LYRM4: variants seen among roughly 807,000 people sequenced by gnomAD.
LYRM4 encodes LYR motif-containing protein 4.
In LYRM4, 9 loss-of-function variants were observed where a neutral mutation model predicts 11.7. That is an observed-to-expected ratio of 0.77 (90% CI 0.46 to 1.34). The LOEUF (loss-of-function observed/expected upper bound fraction) is 1.34, where lower values mean the gene tolerates loss of function less well. Ranked by LOEUF, LYRM4 falls within the 40% of genes most tolerant of loss-of-function variation. The pLI is 0.00. For missense variants in LYRM4, 133 were observed against 112.5 expected, an observed-to-expected ratio of 1.18 and a Z score of -0.82; for synonymous variants, 42 against 40.4, an observed-to-expected ratio of 1.04 and a Z score of -0.15.
chr6:5,193,777 G>A (rs923740537), intron 2 of LYRM4, among the ~76,000 whole-genome samples: 8 of 152,278 alleles, frequency 5.3e-5, no homozygotes, highest in Admixed American at 5.2e-4. Flanking sequence ...CCCTTGGAAA[G>A]CATGACGCAG....
At chr6:5,045,340 T>C in the LYRM4 span, among the ~76,000 whole-genome samples, 1 of 152,220 alleles carries the variant, frequency 6.6e-6, no homozygotes, top group Non-Finnish European at 1.5e-5. Flanking sequence ...GAGGACACTA[T>C]GCTAAGTGAA....
intron 1 of LYRM4, among the ~76,000 whole-genome samples, chr6:5,254,899 G>A (rs980308841): frequency 1.3e-5 from 2 of 152,130 alleles, no homozygotes; most frequent in African/African-American, 4.8e-5. Flanking sequence ...GTGGGAGGTG[G>A]AGGGGGTATC....
the LYRM4 span, chr6:5,054,125 C>A: frequency 3.0e-6 from 3 of 985,664 alleles, no homozygotes; most frequent in Non-Finnish European, 3.6e-6. Context: ...ATGGCAGTCA[C>A]CTGGCCATGA....
chr6:5,122,110 G>A (rs780475787), intron 2 of LYRM4, among the ~76,000 whole-genome samples: 5 of 152,256 alleles, frequency 3.3e-5, no homozygotes, highest in East Asian at 1.9e-4. Context: ...AGAAACCTGC[G>A]GGAAAAAGGC....
intron 2 of LYRM4, among the ~76,000 whole-genome samples, chr6:5,168,192 C>T (rs570660092): frequency 2.0e-5 from 3 of 151,836 alleles, no homozygotes; most frequent in Admixed American, 1.3e-4. Flanking sequence ...AGGCCAGCTA[C>T]GTACAAAATC....
chr6:5,086,014 C>A, the LYRM4 span: 8 of 1,501,232 alleles, frequency 5.3e-6, no homozygotes, highest in Non-Finnish European at 7.1e-6. Context: ...CCTGGAGCAG[C>A]TCGGGGGGCT....
intron 2 of LYRM4, among the ~76,000 whole-genome samples, chr6:5,118,651 G>A (rs971357958): frequency 3.3e-5 from 5 of 152,036 alleles, no homozygotes; most frequent in African/African-American, 9.7e-5. Flanking sequence ...AGTCACCAGC[G>A]ATAAAAGCTT....
intron 1 of LYRM4, among the ~76,000 whole-genome samples, chr6:5,258,943 T>C (rs1764806546): frequency 6.6e-6 from 1 of 152,226 alleles, no homozygotes; most frequent in African/African-American, 2.4e-5. Context: ...AATTACTCAT[T>C]TGAAAACGCT....
intron 1 of LYRM4, among the ~76,000 whole-genome samples, chr6:5,223,597 C>T (rs1467447044): frequency 1.3e-5 from 2 of 152,180 alleles, no homozygotes; most frequent in African/African-American, 4.8e-5. Context: ...CATCACAAAG[C>T]TTAAAAAGGT....
the LYRM4 span, among the ~76,000 whole-genome samples, chr6:5,079,002 A>G: frequency 6.3e-3 from 964 of 152,328 alleles, 11 homozygotes; most frequent in Non-Finnish European, 9.7e-3. Context: ...CTTTTCCTCT[A>G]TCCTCTTGGG....
At chr6:5,156,780 A>G (rs114212555) in intron 2 of LYRM4, among the ~76,000 whole-genome samples, 2,931 of 152,238 alleles carry the variant, frequency 0.019, 82 homozygotes, top group African/African-American at 0.064. Context: ...GGTGACGGGG[A>G]AAGATGGATA....
intron 1 of LYRM4, among the ~76,000 whole-genome samples, chr6:5,233,114 C>T (rs564412386): frequency 2.6e-5 from 4 of 152,214 alleles, no homozygotes; most frequent in Admixed American, 6.5e-5. Context: ...AACTGGACGA[C>T]GTCCTCACTG....
chr6:5,049,261 C>T, the LYRM4 span, among the ~76,000 whole-genome samples: 10 of 152,234 alleles, frequency 6.6e-5, no homozygotes, highest in Admixed American at 6.5e-4. Context: ...AGCCCCCTAC[C>T]ACCACCCAAA....
chr6:5,078,346 A>G, the LYRM4 span, among the ~76,000 whole-genome samples: 1 of 151,988 alleles, frequency 6.6e-6, no homozygotes, highest in Admixed American at 6.6e-5. Flanking sequence ...TTCATCTCAA[A>G]TCCTGGCTCA....
intron 2 of LYRM4, among the ~76,000 whole-genome samples, chr6:5,156,770 G>T (rs1758436873): frequency 6.6e-6 from 1 of 152,182 alleles, no homozygotes; most frequent in Admixed American, 6.5e-5. Flanking sequence ...AGGGAGGGGT[G>T]GTGACGGGGA....
the LYRM4 span, among the ~76,000 whole-genome samples, chr6:5,083,023 A>G: frequency 6.6e-6 from 1 of 151,368 alleles, no homozygotes; most frequent in Non-Finnish European, 1.5e-5. Flanking sequence ...GGCCCCTCCC[A>G]CGCACTGAGA....
chr6:5,109,630 G>A, intron 2 of LYRM4, 139 bp from the exon 3 acceptor site: 1 of 767,706 alleles, frequency 1.3e-6, no homozygotes, highest in South Asian at 1.7e-5. Context: ...TGCACTGCGG[G>A]GCAAAGCCGG....
chr6:5,147,900 C>G (rs991562381), intron 2 of LYRM4, among the ~76,000 whole-genome samples: 5 of 152,188 alleles, frequency 3.3e-5, no homozygotes, highest in Non-Finnish European at 7.3e-5. Context: ...GATAGCCACG[C>G]TGATGAGAGA....
chr6:5,229,003 C>CAAAAAAAAAAAAAAAAAA (rs70974180), intron 1 of LYRM4, among the ~76,000 whole-genome samples: 2 of 38,000 alleles, frequency 5.3e-5, no homozygotes, highest in African/African-American at 2.3e-4. Flanking sequence ...GGCTCAGTCT[C>CAAAAAAAAAAAAAAAAAA]AAAAAAAAAA....
Sources: gnomAD v4.1 joint callset for allele counts (sites outside exome capture counted in the v4.1 genomes callset) on GRCh38, gnomAD v4.1.1 for gene constraint, MANE v1.5 for transcripts, NCBI Gene and HGNC (gene_info 2026-07-23, HGNC 2026-07-21) for gene names.